Variants in ANKRD36C observed in about 807,000 individuals in gnomAD.
The protein encoded by ANKRD36C is ankyrin repeat domain-containing protein 36C.
Under a neutral mutation model 276.4 loss-of-function variants are expected in ANKRD36C, and 61 were observed. That is an observed-to-expected ratio of 0.22 (90% CI 0.18 to 0.27). The LOEUF (loss-of-function observed/expected upper bound fraction) is 0.27. Ranked by LOEUF, ANKRD36C falls within the 10% of genes least tolerant of loss-of-function variation. The probability of loss-of-function intolerance (pLI) is 1.00; values close to 1 mark genes in which losing one functional copy is unlikely to be tolerated. For synonymous variants in ANKRD36C, 483 were observed against 680.1 expected (o/e 0.71, Z 4.51); for missense variants, 1,447 against 2,032.3 (o/e 0.71, Z 5.54).
At chr2:95,918,418 T>G (rs892863553) in intron 34 of ANKRD36C, among the ~76,000 whole-genome samples, 2 of 151,680 alleles carry the variant, frequency 1.3e-5, no homozygotes, top group African/African-American at 4.8e-5. Context: ...ATGTCTTTCA[T>G]GCAGGAAATC....
chr2:95,860,120 T>C (rs567170935), intron 60 of ANKRD36C, 46 bp from the exon 81 acceptor site: 1 of 1,235,622 alleles, frequency 8.1e-7, no homozygotes, highest in East Asian at 2.6e-5. Context: ...CATGAGTAGA[T>C]TTTTGGATAT....
chr2:95,914,033 C>T (rs547936590), intron 40 of ANKRD36C, 75 bp downstream of exon 42: 576 of 1,405,446 alleles, frequency 4.1e-4, no homozygotes, highest in Non-Finnish European at 5.3e-4. Flanking sequence ...ACGAGCCCCC[C>T]GCTGATTTCT....
chr2:95,928,520 G>A (rs1677471898), intron 26 of ANKRD36C, among the ~76,000 whole-genome samples: 1 of 151,516 alleles, frequency 6.6e-6, no homozygotes, highest in African/African-American at 2.4e-5. Context: ...TATTCTAAAT[G>A]CATCTGAAAT....
intron 6 of ANKRD36C, among the ~76,000 whole-genome samples, chr2:95,965,918 GT>G (rs1262975745): frequency 6.6e-6 from 1 of 152,012 alleles, no homozygotes; most frequent in African/African-American, 2.4e-5. Flanking sequence ...GTTGTAAGAG[GT>G]TTTTAATGTG....
At chr2:95,948,175 C>T (rs552625159) in intron 17 of ANKRD36C, among the ~76,000 whole-genome samples, 1 of 152,136 alleles carries the variant, frequency 6.6e-6, no homozygotes, top group Non-Finnish European at 1.5e-5. Context: ...TAGTCATACT[C>T]ATATGATATA....
At chr2:95,968,935 TG>T (rs968335820) in intron 6 of ANKRD36C, among the ~76,000 whole-genome samples, 3 of 152,112 alleles carry the variant, frequency 2.0e-5, no homozygotes, top group Non-Finnish European at 4.4e-5. Flanking sequence ...GTGCAAGATA[TG>T]GGGGGAAAGT....
intron 17 of ANKRD36C, among the ~76,000 whole-genome samples, chr2:95,945,478 CTGT>C (rs1678022239): frequency 1.3e-5 from 2 of 151,492 alleles, no homozygotes; most frequent in Non-Finnish European, 3.0e-5. Flanking sequence ...ATTTACTCAT[CTGT>C]AATTTAGAGT....
At chr2:95,923,016 T>A (rs1327026093) in intron 32 of ANKRD36C, among the ~76,000 whole-genome samples, 1 of 151,620 alleles carries the variant, frequency 6.6e-6, no homozygotes, top group Non-Finnish European at 1.5e-5. Context: ...TTCTTTTCCC[T>A]CTTTCCTGCC....
chr2:95,891,635 A>G, intron 46 of ANKRD36C, 30 bp downstream of exon 66: 4 of 1,542,324 alleles, frequency 2.6e-6, no homozygotes, highest in Non-Finnish European at 2.6e-6. Flanking sequence ...TCTGCACTGA[A>G]CATGACATTA....
chr2:95,876,020 T>C (rs1221150538), intron 59 of ANKRD36C: 2 of 422,368 alleles, frequency 4.7e-6, no homozygotes, highest in African/African-American at 4.1e-5. Flanking sequence ...TTGGTATTAG[T>C]GACTGGCAAT....
chr2:95,938,082 G>A (rs934811661), intron 22 of ANKRD36C, among the ~76,000 whole-genome samples: 1 of 152,164 alleles, frequency 6.6e-6, no homozygotes, highest in Non-Finnish European at 1.5e-5. Context: ...TACATTGTGT[G>A]AAAGCGTACA....
At chr2:95,941,586 A>G (rs1677892877) in intron 19 of ANKRD36C, among the ~76,000 whole-genome samples, 1 of 152,286 alleles carries the variant, frequency 6.6e-6, no homozygotes, top group Non-Finnish European at 1.5e-5. Context: ...ATGAAACAGC[A>G]TAGCCAATAA....
intron 42 of ANKRD36C, among the ~76,000 whole-genome samples, chr2:95,906,410 T>G (rs1031676615): frequency 8.5e-6 from 1 of 118,036 alleles, no homozygotes; most frequent in African/African-American, 3.0e-5. Flanking sequence ...TCTCCATATT[T>G]CTTCCTCCCA....
chr2:95,856,264 A>C, intron 62 of ANKRD36C, 84 bp from the exon 83 acceptor site: 1 of 1,582,940 alleles, frequency 6.3e-7, no homozygotes, highest in Non-Finnish European at 8.5e-7. Context: ...AATAACCCGA[A>C]CATTTATACA....
chr2:95,931,156 AT>A (rs1677557824), intron 24 of ANKRD36C, among the ~76,000 whole-genome samples: 1 of 151,734 alleles, frequency 6.6e-6, no homozygotes, highest in South Asian at 2.1e-4. Context: ...GTACAATCCC[AT>A]TCTGACACAT....
intron 3 of ANKRD36C, among the ~76,000 whole-genome samples, chr2:95,984,058 A>G (rs1678976929): frequency 6.6e-6 from 1 of 152,256 alleles, no homozygotes; most frequent in Admixed American, 6.5e-5. Flanking sequence ...TATGGTATGT[A>G]TAAAGATAAA....
intron 36 of ANKRD36C, 91 bp downstream of exon 38, chr2:95,917,763 AC>A: frequency 6.9e-7 from 1 of 1,458,858 alleles, no homozygotes; most frequent in Non-Finnish European, 9.2e-7. Context: ...TTTGGCGAGC[AC>A]CCCCAACCGC....
At chr2:95,876,062 T>G (rs1286576621) in intron 59 of ANKRD36C, 1 of 367,682 alleles carries the variant, frequency 2.7e-6, no homozygotes, top group East Asian at 7.9e-5. Context: ...CCACTAGCAA[T>G]AATTACTCCT....
rs528960672 is a variant in ANKRD36C at position 95,920,671 on chromosome 2, G to T, written c.2245+936C>A. 9.7e-5 allele frequency among the ~76,000 whole-genome samples: 13 copies of T among 133,442 alleles called. 2 individuals are homozygous for T. Among genetic ancestry groups the T allele is most frequent in the Admixed American group, 7.8e-4 (10 of 12,866 alleles). 87.5% of individuals were successfully genotyped at this position (133,442 alleles called of 152,430 possible). On this transcript the variant is annotated intron_variant, in intron 34 of 66. Coordinates refer to ENST00000456556, the Ensembl canonical transcript of ANKRD36C. ...CAAAGTAAAACTGCTACAAGCATTA[G>T]ATATTGAGCAGTTTTTCATTCAGAA...
Sources: gnomAD v4.1 joint callset for allele counts (sites outside exome capture counted in the v4.1 genomes callset) on GRCh38, gnomAD v4.1.1 for gene constraint, MANE v1.5 for transcripts, NCBI Gene and HGNC (gene_info 2026-07-23, HGNC 2026-07-21) for gene names.